The following DSCAM variants were observed in gnomAD, a reference collection of about 807,000 sequenced individuals.
DSCAM encodes cell adhesion molecule DSCAM.
A neutral mutation model predicts 217.7 loss-of-function variants in DSCAM; 47 were observed. That is an observed-to-expected ratio of 0.22 (90% CI 0.17 to 0.28). DSCAM has a LOEUF of 0.28. DSCAM is among the 10% of genes least tolerant of loss of function. The pLI is 1.00. For missense variants in DSCAM, 2,080 were observed against 2,618.3 expected, an observed-to-expected ratio of 0.79 and a Z score of 4.49; for synonymous variants, 1,056 against 1,015.3, an observed-to-expected ratio of 1.04 and a Z score of -0.76.
intron 3 of DSCAM, among the ~76,000 whole-genome samples, chr21:40,417,049 A>G (rs529616171): frequency 6.6e-6 from 1 of 152,266 alleles, no homozygotes; most frequent in South Asian, 2.1e-4. Context: ...GAGGCATCTG[A>G]CTATATCTGT....
At chr21:40,132,022 CATTCTTCCAAAA>C in intron 19 of DSCAM, among the ~76,000 whole-genome samples, 1 of 152,200 alleles carries the variant, frequency 6.6e-6, no homozygotes, top group Non-Finnish European at 1.5e-5. Flanking sequence ...GATTTCTGTA[CATTCTTCCAAAA>C]ATGCAGATGC....
intron 3 of DSCAM, among the ~76,000 whole-genome samples, chr21:40,534,913 C>G (rs375342881): frequency 6.6e-6 from 1 of 152,052 alleles, no homozygotes; most frequent in African/African-American, 2.4e-5. Context: ...TCTAAACTTA[C>G]GTGGTATCAT....
chr21:40,227,950 T>G (rs951782564), intron 11 of DSCAM, among the ~76,000 whole-genome samples: 3 of 152,204 alleles, frequency 2.0e-5, no homozygotes, highest in Non-Finnish European at 4.4e-5. Flanking sequence ...TGCCATCATG[T>G]CTTCTTAAGC....
chr21:40,028,995 GTACAAT>G (rs1332662995), intron 32 of DSCAM, among the ~76,000 whole-genome samples: 2 of 151,804 alleles, frequency 1.3e-5, no homozygotes, highest in African/African-American at 2.4e-5. Flanking sequence ...GAATTTGCCT[GTACAAT>G]TACAAGTCCT....
chr21:40,559,773 TA>T, intron 3 of DSCAM, among the ~76,000 whole-genome samples: 1 of 149,372 alleles, frequency 6.7e-6, no homozygotes, highest in Admixed American at 6.9e-5. Flanking sequence ...TTGATGCTTT[TA>T]AAATTTTCTG....
At chr21:40,121,019 A>G (rs2090027199) in intron 20 of DSCAM, among the ~76,000 whole-genome samples, 1 of 152,218 alleles carries the variant, frequency 6.6e-6, no homozygotes, top group African/African-American at 2.4e-5. Flanking sequence ...ATTACAAGGC[A>G]TATTGTGTCC....
chr21:40,681,349 C>T (rs577985619), intron 3 of DSCAM, among the ~76,000 whole-genome samples: 13 of 152,312 alleles, frequency 8.5e-5, no homozygotes, highest in African/African-American at 1.2e-4. Context: ...GCTGGGACAG[C>T]GGCAGCTGGT....
chr21:40,463,411 C>G (rs571442808), intron 3 of DSCAM, among the ~76,000 whole-genome samples: 1 of 152,178 alleles, frequency 6.6e-6, no homozygotes, highest in African/African-American at 2.4e-5. Context: ...CGAGACCACC[C>G]GGTATTGCAC....
At chr21:40,504,001 A>G (rs2076190716) in intron 3 of DSCAM, among the ~76,000 whole-genome samples, 1 of 152,208 alleles carries the variant, frequency 6.6e-6, no homozygotes, top group African/African-American at 2.4e-5. Flanking sequence ...ATGCTATTGG[A>G]TATTTCAAAA....
chr21:40,502,579 TG>T lies in DSCAM; in HGVS notation c.509-133335del, dbSNP rs201882421. ...GAGGCTGCCCAAACCCCTCGGTTCATGGTCTCCTTCCATCTTCAAAGCCAGC... is the reference window on the plus strand; with the variant it reads ...GAGGCTGCCCAAACCCCTCGGTTCATGTCTCCTTCCATCTTCAAAGCCAGC... On this transcript the variant is annotated intron_variant, in intron 3 of 32. Transcript: ENST00000400454. 8.8e-3 allele frequency among the ~76,000 whole-genome samples: 1,340 copies of T among 152,304 alleles called. 24 individuals carry two copies. The highest frequency in any genetic ancestry group is 0.031 in the African/African-American group (1,268 of 41,548).
At chr21:40,370,021 C>T (rs534707169) in intron 3 of DSCAM, among the ~76,000 whole-genome samples, 15 of 152,148 alleles carry the variant, frequency 9.9e-5, no homozygotes, top group Admixed American at 3.3e-4. Context: ...TAATTTTTAC[C>T]GGTAAAGCTT....
At chr21:40,256,539 G>T (rs184928131) in intron 11 of DSCAM, among the ~76,000 whole-genome samples, 4 of 152,294 alleles carry the variant, frequency 2.6e-5, no homozygotes, top group African/African-American at 9.6e-5. Context: ...AATTTGCCGG[G>T]CCAGCCAGCA....
In DSCAM at chr21:40,751,293, A is replaced by G. The variant is rs139229536; in HGVS notation, c.44-42522T>C. 7.1e-3 allele frequency among the ~76,000 whole-genome samples: 1,081 copies of G among 152,228 alleles called. 8 individuals carry two copies. The highest frequency in any genetic ancestry group is 0.02 in the Middle Eastern group (6 of 294). On this transcript the variant is annotated intron_variant, in intron 1 of 32. Coordinates refer to ENST00000400454, the MANE Select transcript of DSCAM (RefSeq NM_001389.5). ...TTCTTCACTGCTTCAGTTTCTTTGC[A>G]CTAATTACAATCTACTAGTCTACAT...
intron 3 of DSCAM, among the ~76,000 whole-genome samples, chr21:40,408,682 C>T (rs2075298645): frequency 6.6e-6 from 1 of 152,056 alleles, no homozygotes; most frequent in South Asian, 2.1e-4. Context: ...TTGATGTGCC[C>T]TCCATTTTCC....
chr21:40,093,689 CAGG>C (rs1184483302), intron 21 of DSCAM, 29 bp downstream of exon 21: 2 of 1,612,220 alleles, frequency 1.2e-6, no homozygotes, highest in Admixed American at 3.4e-5. Context: ...CAAGTTACAA[CAGG>C]AAATGAGGTC....
chr21:40,605,902 G>A (rs2089231121), intron 3 of DSCAM, among the ~76,000 whole-genome samples: 1 of 139,270 alleles, frequency 7.2e-6, no homozygotes, highest in Non-Finnish European at 1.5e-5. Context: ...CCAGGTTCAA[G>A]CTATTCTTCT....
At chr21:40,097,015 C>T (rs1180774622) in intron 20 of DSCAM, among the ~76,000 whole-genome samples, 1 of 151,814 alleles carries the variant, frequency 6.6e-6, no homozygotes, top group African/African-American at 2.4e-5. Context: ...ACCAGTAGAC[C>T]CACATTACAA....
At chr21:40,348,540 A>C (rs964284102) in intron 5 of DSCAM, among the ~76,000 whole-genome samples, 1 of 152,158 alleles carries the variant, frequency 6.6e-6, no homozygotes, top group South Asian at 2.1e-4. Context: ...CCTATCAGCC[A>C]CATTATTGCA....
intron 3 of DSCAM, among the ~76,000 whole-genome samples, chr21:40,478,451 AAG>A (rs1174544921): frequency 6.6e-6 from 1 of 152,206 alleles, no homozygotes; most frequent in Non-Finnish European, 1.5e-5. Flanking sequence ...TCATTTTCCA[AAG>A]TGATTGCATG....
Sources: allele counts gnomAD v4.1 joint callset (sites outside exome capture counted in the v4.1 genomes callset), GRCh38; gene constraint gnomAD v4.1.1; transcripts MANE v1.5; gene names NCBI Gene and HGNC (gene_info 2026-07-23, HGNC 2026-07-21).